AMOTL1: variants seen among roughly 807,000 people sequenced by gnomAD.
The protein encoded by AMOTL1 is angiomotin like 1, also known as angiomotin-like protein 1.
A neutral mutation model predicts 102.9 loss-of-function variants in AMOTL1; 45 were observed. The ratio of observed to expected loss-of-function variants is 0.44; its 90% confidence interval spans 0.34 to 0.56. The LOEUF (loss-of-function observed/expected upper bound fraction) is 0.56. AMOTL1 is among the 20% of genes least tolerant of loss of function. The probability of loss-of-function intolerance (pLI) is 0.01; values close to 1 mark genes in which losing one functional copy is unlikely to be tolerated. For synonymous variants in AMOTL1, 481 were observed against 484.7 expected, an observed-to-expected ratio of 0.99 and a Z score of 0.10; for missense variants, 1,114 against 1,225.6, an observed-to-expected ratio of 0.91 and a Z score of 1.36.
intron 2 of AMOTL1, among the ~76,000 whole-genome samples, chr11:94,731,344 A>G (rs1950347682): frequency 6.6e-6 from 1 of 152,204 alleles, no homozygotes; most frequent in African/African-American, 2.4e-5. Flanking sequence ...GGTGAAGCAC[A>G]GACACAAGGA....
intron 1 of AMOTL1, among the ~76,000 whole-genome samples, chr11:94,726,831 A>G (rs16920902): frequency 0.024 from 3,692 of 152,276 alleles, 150 homozygotes; most frequent in African/African-American, 0.085. Context: ...AATTTCAGTA[A>G]CAGGTGTGAT....
At chr11:94,707,246 C>CTGTGTGTGTGTG (rs1173917311) in intron 1 of AMOTL1, among the ~76,000 whole-genome samples, 26 of 59,996 alleles carry the variant, frequency 4.3e-4, no homozygotes, top group Non-Finnish European at 9.6e-4. Context: ...CTCTCTCTCT[C>CTGTGTGTGTGTG]TCTCTGTGTG....
At chr11:94,821,967 AT>A in intron 4 of AMOTL1, 146 bp downstream of exon 4, 1 of 1,104,072 alleles carries the variant, frequency 9.1e-7, no homozygotes, top group Non-Finnish European at 1.3e-6. Context: ...GAAAATAAAT[AT>A]GACCCAGTTC....
intron 2 of AMOTL1, among the ~76,000 whole-genome samples, chr11:94,733,741 T>C (rs1343433204): frequency 6.6e-6 from 1 of 152,230 alleles, no homozygotes; most frequent in African/African-American, 2.4e-5. Context: ...AATGTTTTTG[T>C]CCTTAATCTT....
chr11:94,781,218 G>A (rs547528352), intron 1 of AMOTL1, among the ~76,000 whole-genome samples: 5 of 152,162 alleles, frequency 3.3e-5, no homozygotes, highest in South Asian at 2.1e-4. Flanking sequence ...TTTTCTGGGT[G>A]GGCGTCTAGC....
chr11:94,727,885 T>A (rs1950286923), intron 1 of AMOTL1, among the ~76,000 whole-genome samples: 2 of 152,146 alleles, frequency 1.3e-5, no homozygotes, highest in African/African-American at 4.8e-5. Flanking sequence ...CTCCCATAAG[T>A]ATCATATTTT....
At chr11:94,774,292 A>G (rs754788095) in intron 1 of AMOTL1, among the ~76,000 whole-genome samples, 1 of 152,168 alleles carries the variant, frequency 6.6e-6, no homozygotes, top group Non-Finnish European at 1.5e-5. Flanking sequence ...ATCTATTACT[A>G]TCTATAAAAT....
intron 6 of AMOTL1, 115 bp from the exon 7 acceptor site, chr11:94,849,998 TC>T (rs1952498118): frequency 2.4e-6 from 3 of 1,244,490 alleles, no homozygotes; most frequent in Non-Finnish European, 3.3e-6. Context: ...AGCAATTCAG[TC>T]CTCCATTATT....
At chr11:94,730,365 C>T (rs777013512) in intron 2 of AMOTL1, among the ~76,000 whole-genome samples, 3 of 152,182 alleles carry the variant, frequency 2.0e-5, no homozygotes, top group Non-Finnish European at 4.4e-5. Context: ...TTCCACTTGG[C>T]CAGTTCCTAC....
At chr11:94,773,384 T>G (rs771006605) in intron 1 of AMOTL1, among the ~76,000 whole-genome samples, 3 of 152,240 alleles carry the variant, frequency 2.0e-5, no homozygotes, top group Non-Finnish European at 4.4e-5. Flanking sequence ...CACTTTTGTC[T>G]GTCTTAAGAG....
chr11:94,718,575 C>T (rs1950130209), intron 1 of AMOTL1, among the ~76,000 whole-genome samples: 1 of 151,674 alleles, frequency 6.6e-6, no homozygotes. Context: ...AAATAGTCAC[C>T]GTTTCTTGAT....
intron 6 of AMOTL1, among the ~76,000 whole-genome samples, chr11:94,832,508 C>T (rs1319951809): frequency 1.3e-5 from 2 of 152,174 alleles, no homozygotes; most frequent in African/African-American, 2.4e-5. Context: ...GCTATTAATA[C>T]TAGCTATATT....
chr11:94,747,138 T>C (rs112707762), intron 3 of AMOTL1, among the ~76,000 whole-genome samples: 2,156 of 152,198 alleles, frequency 0.014, 46 homozygotes, highest in African/African-American at 0.05. Flanking sequence ...TAAACTTTAG[T>C]TTTTTAGTAT....
chr11:94,778,887 T>C (rs908786621), intron 1 of AMOTL1, among the ~76,000 whole-genome samples: 6 of 152,186 alleles, frequency 3.9e-5, no homozygotes, highest in African/African-American at 1.2e-4. Context: ...CCTTATAGGA[T>C]CGGGCTAGTT....
At chr11:94,793,155 G>A (rs1205739428) in intron 1 of AMOTL1, among the ~76,000 whole-genome samples, 1 of 152,132 alleles carries the variant, frequency 6.6e-6, no homozygotes, top group East Asian at 1.9e-4. Flanking sequence ...TCTTAGTCAT[G>A]TGACTAGATA....
In AMOTL1 at chr11:94,735,128, A is replaced by G. The variant is rs1483460896; in HGVS notation, c.86-5810A>G. Among the ~76,000 whole-genome samples the G allele has an allele frequency of 2.6e-5, 4 of 152,156 alleles. No homozygotes were observed. In the South Asian group the frequency reaches 6.2e-4, roughly 24 times the overall value. ...GCCCCTTGAGTGAGAACAGCCTGTA[A>G]AGGCCCTCCTGTGGTCTGCTCCTCC... On this transcript the variant is annotated intron_variant, in intron 2 of 4. Transcript: ENST00000299004.
intron 4 of AMOTL1, among the ~76,000 whole-genome samples, chr11:94,825,128 T>C (rs1203073360): frequency 6.6e-6 from 1 of 152,234 alleles, no homozygotes; most frequent in African/African-American, 2.4e-5. Context: ...TCCCTGAAAC[T>C]TAATTAATGA....
chr11:94,758,866 T>C (rs1950759377), intron 3 of AMOTL1, among the ~76,000 whole-genome samples: 1 of 152,278 alleles, frequency 6.6e-6, no homozygotes, highest in East Asian at 1.9e-4. Context: ...TGACTGTGGG[T>C]GGTCTCCAAG....
At chr11:94,743,038 A>G (rs545776030) in intron 3 of AMOTL1, among the ~76,000 whole-genome samples, 9 of 152,352 alleles carry the variant, frequency 5.9e-5, no homozygotes, top group African/African-American at 1.9e-4. Context: ...TATTCAGTCT[A>G]TAGCAGCGTG....
Sources: allele counts gnomAD v4.1 joint callset (sites outside exome capture counted in the v4.1 genomes callset), GRCh38; gene constraint gnomAD v4.1.1; transcripts MANE v1.5; gene names NCBI Gene and HGNC (gene_info 2026-07-23, HGNC 2026-07-21).